The following STK32B variants were observed in gnomAD, a reference collection of about 807,000 sequenced individuals.
STK32B encodes serine/threonine-protein kinase 32B.
STK32B carries 43 observed loss-of-function variants against 52.6 expected under a neutral mutation model. The observed-to-expected ratio is 0.82, with a 90% CI of 0.64 to 1.05. The LOEUF is 1.05. Among genes scored for constraint, STK32B ranks in the 50% least tolerant of loss-of-function variants. STK32B has a pLI of 0.00. For synonymous variants in STK32B, 238 were observed against 204.3 expected (o/e 1.17, Z -1.41); for missense variants, 621 against 534.6 (o/e 1.16, Z -1.59).
At chr4:5,267,941 G>A (rs909486148) in intron 3 of STK32B, among the ~76,000 whole-genome samples, 4 of 152,164 alleles carry the variant, frequency 2.6e-5, no homozygotes, top group African/African-American at 9.7e-5. Flanking sequence ...GATGGTTACC[G>A]ACTCTGAGAA....
At chr4:5,422,913 A>G (rs1423285072) in intron 6 of STK32B, among the ~76,000 whole-genome samples, 2 of 152,164 alleles carry the variant, frequency 1.3e-5, no homozygotes, top group Non-Finnish European at 2.9e-5. Flanking sequence ...CGATAGAGAG[A>G]GGGCATTTAG....
At chr4:5,303,404 G>A (rs1014142716) in intron 3 of STK32B, among the ~76,000 whole-genome samples, 8 of 151,986 alleles carry the variant, frequency 5.3e-5, no homozygotes. Context: ...ATCGCATTGT[G>A]GTTTTTATTT....
intron 4 of STK32B, among the ~76,000 whole-genome samples, chr4:5,393,874 C>G (rs16837105): frequency 0.015 from 2,224 of 152,218 alleles, 49 homozygotes; most frequent in African/African-American, 0.049. Context: ...TCTCAAGTCT[C>G]TCTTCTCTGT....
intron 3 of STK32B, among the ~76,000 whole-genome samples, chr4:5,225,311 GC>G (rs1405512566): frequency 6.6e-6 from 1 of 151,994 alleles, no homozygotes; most frequent in Non-Finnish European, 1.5e-5. Context: ...GGAGGCTGAG[GC>G]AGGAGAATCG....
intron 3 of STK32B, among the ~76,000 whole-genome samples, chr4:5,309,525 A>G (rs1342866300): frequency 1.3e-5 from 2 of 152,182 alleles, no homozygotes; most frequent in Non-Finnish European, 1.5e-5. Context: ...TATGGTGTTG[A>G]CATGAAACCA....
At chr4:5,490,607 G>A (rs1577057441) in intron 11 of STK32B, among the ~76,000 whole-genome samples, 2 of 151,422 alleles carry the variant, frequency 1.3e-5, no homozygotes, top group South Asian at 4.2e-4. Context: ...TAAGTTTTAG[G>A]GTACATGTGC....
intron 6 of STK32B, among the ~76,000 whole-genome samples, chr4:5,432,707 A>C (rs1577488318): frequency 1.3e-5 from 2 of 152,292 alleles, no homozygotes; most frequent in South Asian, 2.1e-4. Flanking sequence ...GTTTTTAGGA[A>C]GTTTTCATGC....
chr4:5,243,843 GT>G (rs1340559757), intron 3 of STK32B, among the ~76,000 whole-genome samples: 1 of 152,080 alleles, frequency 6.6e-6, no homozygotes, highest in Non-Finnish European at 1.5e-5. Flanking sequence ...TAATCATGTG[GT>G]TTTTGTCTTT....
At chr4:5,255,846 G>C (rs1726257740) in intron 3 of STK32B, among the ~76,000 whole-genome samples, 3 of 152,038 alleles carry the variant, frequency 2.0e-5, no homozygotes, top group Non-Finnish European at 2.9e-5. Context: ...AATGGGGTTG[G>C]TTTAATTGGG....
At position 5,500,610 on chromosome 4, in the gene STK32B, T is replaced by G. The variant is rs1413821093; in HGVS notation, c.*1527T>G. On this transcript the variant is annotated 3_prime_UTR_variant, in exon 12 of 12. Transcript: ENST00000282908. ...AATCCTTGGGGCTGTCCATGTCATC[T>G]CTTAGATTTCTTAAAAGACATTTTA... is the stretch of plus-strand genomic sequence containing the variant. 6.6e-6 allele frequency: 1 copy of G among 152,244 alleles called. No individual in the cohort carries two copies. Among genetic ancestry groups the G allele is most frequent in the African/African-American group, 2.4e-5 (1 of 41,474 alleles). The allele number at this position is 152,244 out of a possible 1,614,324, so 9.4% of individuals were successfully genotyped here. A position where few individuals can be genotyped will look rare whatever the true frequency, so the allele number is the denominator to read the frequency against.
the STK32B span, among the ~76,000 whole-genome samples, chr4:5,032,616 A>C: frequency 6.6e-6 from 1 of 152,008 alleles, no homozygotes; most frequent in Non-Finnish European, 1.5e-5. Context: ...CCCCATACCT[A>C]TGAAAAAAAA....
chr4:5,440,677 T>C (rs1386818034), intron 6 of STK32B, among the ~76,000 whole-genome samples: 1 of 152,194 alleles, frequency 6.6e-6, no homozygotes, highest in East Asian at 1.9e-4. Flanking sequence ...ATCCCTGTCT[T>C]GTGCTAGTTT....
At chr4:5,458,547 A>C (rs1716764421) in intron 8 of STK32B, 1 of 152,136 alleles carries the variant, frequency 6.6e-6, no homozygotes, top group African/African-American at 2.4e-5. Context: ...AACTCTCCTA[A>C]CTTCAGGTCC....
intron 3 of STK32B, among the ~76,000 whole-genome samples, chr4:5,187,559 A>G (rs1392279178): frequency 2.4e-5 from 3 of 126,668 alleles, no homozygotes; most frequent in East Asian, 2.7e-4. Flanking sequence ...GTGCTGGTAA[A>G]TGCTTAACAA....
intron 3 of STK32B, among the ~76,000 whole-genome samples, chr4:5,242,219 C>T (rs376060258): frequency 6.6e-6 from 1 of 152,210 alleles, no homozygotes; most frequent in Non-Finnish European, 1.5e-5. Flanking sequence ...CCTATTTCTC[C>T]ACATCCTCTT....
the STK32B span, among the ~76,000 whole-genome samples, chr4:5,020,317 T>G: frequency 6.6e-6 from 1 of 152,152 alleles, no homozygotes; most frequent in Non-Finnish European, 1.5e-5. Context: ...CAGTGTTTCC[T>G]CCATCTCCTT....
intron 6 of STK32B, among the ~76,000 whole-genome samples, chr4:5,443,867 G>A (rs1421145387): frequency 6.6e-6 from 1 of 152,188 alleles, no homozygotes; most frequent in Non-Finnish European, 1.5e-5. Flanking sequence ...GCCATGTGAG[G>A]TGTCAGTGTG....
chr4:5,310,486 G>A (rs185565764), intron 3 of STK32B, among the ~76,000 whole-genome samples: 7 of 152,186 alleles, frequency 4.6e-5, no homozygotes, highest in Non-Finnish European at 1.0e-4. Flanking sequence ...ACCACAATGA[G>A]AGATCATCTC....
intron 6 of STK32B, among the ~76,000 whole-genome samples, chr4:5,421,232 G>A (rs1353084966): frequency 1.3e-5 from 2 of 152,138 alleles, no homozygotes; most frequent in Non-Finnish European, 1.5e-5. Flanking sequence ...TGGGACTACA[G>A]GCACCCGCCA....
Sources: gnomAD v4.1 joint callset for allele counts (sites outside exome capture counted in the v4.1 genomes callset) on GRCh38, gnomAD v4.1.1 for gene constraint, MANE v1.5 for transcripts, NCBI Gene and HGNC (gene_info 2026-07-23, HGNC 2026-07-21) for gene names.